Variants in DMXL1 observed in about 807,000 individuals in gnomAD.
DMXL1 encodes dmX-like protein 1.
A neutral mutation model predicts 319.2 loss-of-function variants in DMXL1; 99 were observed. That is an observed-to-expected ratio of 0.31 (90% confidence interval 0.26 to 0.37). The LOEUF is 0.37. Among genes scored for constraint, DMXL1 ranks in the 10% least tolerant of loss-of-function variants. DMXL1 has a pLI of 1.00. For synonymous variants in DMXL1, 1,385 were observed against 1,235.2 expected, an observed-to-expected ratio of 1.12 and a Z score of -2.54; for missense variants, 3,745 against 3,595.6, an observed-to-expected ratio of 1.04 and a Z score of -1.06.
At chr5:119,185,657 G>A (rs577256521) in intron 28 of DMXL1, among the ~76,000 whole-genome samples, 3 of 151,814 alleles carry the variant, frequency 2.0e-5, no homozygotes, top group African/African-American at 4.8e-5. Context: ...TGCACACCAC[G>A]ACACTTGGCT....
chr5:119,246,794 G>A (rs972883265), intron 43 of DMXL1, among the ~76,000 whole-genome samples: 4 of 151,444 alleles, frequency 2.6e-5, no homozygotes, highest in Non-Finnish European at 2.9e-5. Context: ...CCACCTCGCC[G>A]GGCTAGTTTT....
rs191149836 is a variant in DMXL1, at chr5:119,101,114, A to G, written c.214-821A>G. On this transcript the variant is annotated intron_variant, in intron 2 of 43. Coordinates refer to ENST00000539542, the MANE Select transcript of DMXL1 (RefSeq NM_001290321.3). Reference sequence around the variant, plus strand: ...GTTTTCATACTATGCCCTATTTATAAAGTTGAATACTCACTGCTTTTTGAA... The same window carrying G: ...GTTTTCATACTATGCCCTATTTATAGAGTTGAATACTCACTGCTTTTTGAA... Among the ~76,000 whole-genome samples the G allele has an allele frequency of 2.5e-3, 381 of 152,138 alleles. 2 individuals are homozygous for G. Among genetic ancestry groups the G allele is most frequent in the African/African-American group, 8.5e-3 (352 of 41,500 alleles).
chr5:119,112,858 G>A (rs193233159), intron 5 of DMXL1, among the ~76,000 whole-genome samples: 8 of 152,208 alleles, frequency 5.3e-5, no homozygotes, highest in African/African-American at 1.9e-4. Flanking sequence ...TTGGGAGGCT[G>A]AGGCATGAGA....
Position 119,170,846 on chromosome 5 carries a change from C to A in DMXL1, c.6055C>A (p.Pro2019Thr), listed in dbSNP as rs772373214. 2 of 1,611,826 alleles carry A rather than the reference C, an allele frequency of 1.2e-6. No individual in the cohort carries two copies. The highest frequency in any genetic ancestry group is 1.7e-6 in the Non-Finnish European group (2 of 1,179,502). The change falls in exon 24 of 44, where the codon CCA becomes ACA. Residue 2019 changes from proline (P) to threonine (T), a missense_variant. Pro to Thr is a conservative substitution (Grantham distance 38). Transcript: ENST00000539542. ...STLDENDLLN[P>T]SEDIIAVQLK... ...ACTAGATGAAAATGACCTTTTAAAT[C>A]CATCAGAAGATATAATTGCAGTTCA...
chr5:119,159,631 T>A (rs896686748), intron 19 of DMXL1, among the ~76,000 whole-genome samples: 1 of 152,202 alleles, frequency 6.6e-6, no homozygotes, highest in Admixed American at 6.5e-5. Flanking sequence ...GTCTTTGGTT[T>A]ATTTATTTAT....
intron 1 of DMXL1, among the ~76,000 whole-genome samples, chr5:119,073,872 C>T (rs1258560868): frequency 6.6e-6 from 1 of 151,584 alleles, no homozygotes; most frequent in Non-Finnish European, 1.5e-5. Flanking sequence ...TTTTTCTTCT[C>T]TCATGTTAAA....
chr5:119,121,376 A>G (rs1472938029), intron 9 of DMXL1, among the ~76,000 whole-genome samples: 1 of 151,988 alleles, frequency 6.6e-6, no homozygotes, highest in Non-Finnish European at 1.5e-5. Context: ...GAAGGTCAGC[A>G]GATCAACAAG....
chr5:119,111,239 A>T (rs961591887), intron 5 of DMXL1, among the ~76,000 whole-genome samples: 2 of 152,184 alleles, frequency 1.3e-5, no homozygotes, highest in Non-Finnish European at 2.9e-5. Flanking sequence ...TACAGGTGAA[A>T]TTTTATATTT....
At chr5:119,072,087 C>G (rs1453197146) in intron 1 of DMXL1, among the ~76,000 whole-genome samples, 2 of 152,030 alleles carry the variant, frequency 1.3e-5, no homozygotes, top group Non-Finnish European at 2.9e-5. Flanking sequence ...AAGTGGGTGT[C>G]TCAAAACAAT....
intron 29 of DMXL1, 146 bp downstream of exon 29, chr5:119,190,032 A>T (rs1343352749): frequency 2.9e-5 from 19 of 664,204 alleles, no homozygotes; most frequent in South Asian, 5.1e-5. Flanking sequence ...TTCCAAAAAT[A>T]TATACCCTAG....
chr5:119,178,691 A>G, intron 28 of DMXL1: 2 of 981,250 alleles, frequency 2.0e-6, no homozygotes, highest in Non-Finnish European at 2.4e-6. Context: ...TCTTGCAGGC[A>G]AGATATGAGC....
intron 5 of DMXL1, among the ~76,000 whole-genome samples, chr5:119,111,327 G>C (rs1759542863): frequency 6.6e-6 from 1 of 152,280 alleles, no homozygotes; most frequent in East Asian, 1.9e-4. Context: ...AGTCCAAATT[G>C]AGATGTGCTG....
At chr5:119,165,694 A>C (rs953145571) in intron 21 of DMXL1, among the ~76,000 whole-genome samples, 1 of 152,244 alleles carries the variant, frequency 6.6e-6, no homozygotes, top group Admixed American at 6.5e-5. Context: ...GGTGAAAGGC[A>C]TGTCTCACAT....
rs778650177 is a variant in DMXL1, at chr5:119,170,239, T to C, written c.5448T>C (p.Tyr1816=). 8.1e-6 allele frequency: 13 copies of C among 1,612,034 alleles called. No homozygotes were observed. The highest frequency in any genetic ancestry group is 9.3e-6 in the Non-Finnish European group (11 of 1,179,444). Residue 1816 remains tyrosine, a synonymous_variant, in exon 24 of 44, where the codon TAT becomes TAC. Transcript: ENST00000539542. ...SNPTVFNFYN[Y]LRTHPLLLRR... is the part of the protein sequence containing the mutation. ...CTACAGTTTTTAATTTCTACAATTA[T>C]CTAAGAACACATCCTCTTTTGCTGA...
At chr5:119,121,262 CTTTT>C (rs971636853) in intron 9 of DMXL1, 123 bp downstream of exon 9, 3 of 646,724 alleles carry the variant, frequency 4.6e-6, no homozygotes, top group African/African-American at 4.0e-5. Context: ...GCCTATTTTT[CTTTT>C]TTTTTTCTTT....
At chr5:119,232,564 T>C (rs1786966843) in intron 38 of DMXL1, among the ~76,000 whole-genome samples, 1 of 152,194 alleles carries the variant, frequency 6.6e-6, no homozygotes, top group African/African-American at 2.4e-5. Flanking sequence ...TATATATCAT[T>C]AGTCCCTTTT....
At chr5:119,105,496 T>C (rs1447309419) in intron 4 of DMXL1, among the ~76,000 whole-genome samples, 1 of 152,200 alleles carries the variant, frequency 6.6e-6, no homozygotes, top group Non-Finnish European at 1.5e-5. Flanking sequence ...GAAAGAGATA[T>C]TTCTCTGGAG....
At chr5:119,141,827 C>G (rs1428544489) in intron 13 of DMXL1, among the ~76,000 whole-genome samples, 1 of 151,924 alleles carries the variant, frequency 6.6e-6, no homozygotes, top group African/African-American at 2.4e-5. Flanking sequence ...AAAAAAAGAA[C>G]AGAGCTTTGA....
At position 119,116,136 on chromosome 5, in the gene DMXL1, G is replaced by C. The variant is rs759853611; in HGVS notation, c.565-22G>C. Reference sequence around the variant, plus strand: ...TTAATTCTGATCTCCATGATTTTCTGTTTTGTTTTTTTTTTCCTTAGGATG... The same window carrying C: ...TTAATTCTGATCTCCATGATTTTCTCTTTTGTTTTTTTTTTCCTTAGGATG... On this transcript the variant is annotated intron_variant, in intron 6 of 43. Transcript: ENST00000539542. The C allele has an allele frequency of 2.6e-6, 4 of 1,563,392 alleles. No homozygotes were observed. The East Asian group carries it at 9.0e-5, about 35-fold the overall frequency.
Sources: allele counts gnomAD v4.1 joint callset (sites outside exome capture counted in the v4.1 genomes callset), GRCh38; gene constraint gnomAD v4.1.1; transcripts MANE v1.5; gene names NCBI Gene and HGNC (gene_info 2026-07-23, HGNC 2026-07-21).